IGF1R: variants seen among roughly 807,000 people sequenced by gnomAD.
IGF1R encodes the protein insulin-like growth factor 1 receptor.
Under a neutral mutation model 144.6 loss-of-function variants are expected in IGF1R, and 44 were observed. The observed-to-expected ratio is 0.30, with a 90% CI of 0.24 to 0.39. IGF1R has a LOEUF of 0.39. Among genes scored for constraint, IGF1R ranks in the 10% least tolerant of loss-of-function variants. The pLI, the probability that IGF1R is intolerant of heterozygous loss-of-function variation, is 1.00. For missense variants in IGF1R, 1,355 were observed against 1,833.7 expected, an observed-to-expected ratio of 0.74 and a Z score of 4.77; for synonymous variants, 795 against 722.8, an observed-to-expected ratio of 1.10 and a Z score of -1.60.
intron 2 of IGF1R, among the ~76,000 whole-genome samples, chr15:98,855,049 C>T (rs773051395): frequency 6.6e-6 from 1 of 152,196 alleles, no homozygotes; most frequent in Non-Finnish European, 1.5e-5. Context: ...ACAGCCCCTG[C>T]GCATCCCACT....
chr15:98,736,281 G>GCATT, intron 2 of IGF1R, among the ~76,000 whole-genome samples: 1 of 152,210 alleles, frequency 6.6e-6, no homozygotes, highest in Admixed American at 6.5e-5. Context: ...ATCTCAGCAA[G>GCATT]AAAGGTTAAT....
intron 2 of IGF1R, among the ~76,000 whole-genome samples, chr15:98,770,107 C>G (rs987937593): frequency 1.3e-5 from 2 of 152,138 alleles, no homozygotes; most frequent in African/African-American, 2.4e-5. Context: ...TGCTCTCTGA[C>G]GGGGATCTAA....
At chr15:98,893,252 C>T (rs1596405099) in intron 3 of IGF1R, among the ~76,000 whole-genome samples, 1 of 152,216 alleles carries the variant, frequency 6.6e-6, no homozygotes, top group Non-Finnish European at 1.5e-5. Context: ...GCAGCTTCTA[C>T]TGTAGGCTTA....
chr15:98,680,260 C>T (rs1258609330), intron 1 of IGF1R, among the ~76,000 whole-genome samples: 2 of 145,780 alleles, frequency 1.4e-5, no homozygotes, highest in Non-Finnish European at 3.0e-5. Flanking sequence ...CTCCCATATA[C>T]GTATGTATAC....
intron 20 of IGF1R, among the ~76,000 whole-genome samples, chr15:98,954,612 T>G (rs1479293357): frequency 3.3e-5 from 5 of 152,204 alleles, no homozygotes; most frequent in African/African-American, 4.8e-5. Flanking sequence ...TGTGCTGATG[T>G]CACTGCCTCG....
rs2053901537 is a variant in IGF1R, at chr15:98,707,797, A to G, written c.330A>G (p.Lys110=). The change falls in exon 2 of 21, where the codon AAA becomes AAG. Residue 110 remains lysine (K), a synonymous_variant. Coordinates refer to ENST00000650285, the MANE Select transcript of IGF1R (RefSeq NM_000875.5). This position sits in a 1 kb window ranked among gnomAD's most constrained non-coding sequence, Gnocchi z 6.7. Reference sequence around the variant, plus strand: ...ACCTCACGGTCATCCGCGGCTGGAAACTCTTCTACAACTACGCCCTGGTCA... The same window carrying G: ...ACCTCACGGTCATCCGCGGCTGGAAGCTCTTCTACAACTACGCCCTGGTCA... ...FPNLTVIRGW[K]LFYNYALVIF... is the part of the protein sequence containing the mutation. The G allele has an allele frequency of 6.2e-7, 1 of 1,614,076 alleles. No homozygotes were observed. The highest frequency in any genetic ancestry group is 1.7e-5 in the Admixed American group (1 of 60,010).
intron 2 of IGF1R, among the ~76,000 whole-genome samples, chr15:98,793,759 C>T (rs554443424): frequency 6.6e-6 from 1 of 152,278 alleles, no homozygotes; most frequent in Non-Finnish European, 1.5e-5. Context: ...AATTTATACC[C>T]AGAGGTCTGC....
intron 13 of IGF1R, among the ~76,000 whole-genome samples, chr15:98,926,627 G>A (rs936844803): frequency 6.6e-6 from 1 of 152,050 alleles, no homozygotes; most frequent in African/African-American, 2.4e-5. Flanking sequence ...TAGTCACCTG[G>A]TCAGCACCAG....
At chr15:98,861,781 A>G (rs898182113) in intron 2 of IGF1R, among the ~76,000 whole-genome samples, 4 of 152,236 alleles carry the variant, frequency 2.6e-5, no homozygotes, top group Non-Finnish European at 2.9e-5. Context: ...GACCAAATCC[A>G]TGGTACGCTC....
intron 2 of IGF1R, among the ~76,000 whole-genome samples, chr15:98,771,545 G>C (rs1161361228): frequency 6.6e-6 from 1 of 152,166 alleles, no homozygotes; most frequent in South Asian, 2.1e-4. Flanking sequence ...GTGAGACCCA[G>C]TAAACGGTGA....
chr15:98,749,983 A>G (rs545307401), intron 2 of IGF1R, among the ~76,000 whole-genome samples: 1 of 150,606 alleles, frequency 6.6e-6, no homozygotes, highest in Non-Finnish European at 1.5e-5. Context: ...CTCGACTTCT[A>G]TCCCAGAAGG....
chr15:98,923,054 G>A (rs1024189238), intron 11 of IGF1R, among the ~76,000 whole-genome samples: 1 of 152,210 alleles, frequency 6.6e-6, no homozygotes, highest in Non-Finnish European at 1.5e-5. Flanking sequence ...CCTGGGTGCA[G>A]TTCTGGCACT....
chr15:98,651,323 T>A (rs1179883701), intron 1 of IGF1R, among the ~76,000 whole-genome samples: 1 of 152,228 alleles, frequency 6.6e-6, no homozygotes, highest in African/African-American at 2.4e-5. Flanking sequence ...GGACGCGGAC[T>A]GGGGCCGGAC....
chr15:98,758,624 A>G (rs1198614254), intron 2 of IGF1R, among the ~76,000 whole-genome samples: 1 of 152,206 alleles, frequency 6.6e-6, no homozygotes, highest in African/African-American at 2.4e-5. Flanking sequence ...CAGGATGAGC[A>G]GGGTGCAGGG....
At chr15:98,877,921 T>C (rs188573424) in intron 2 of IGF1R, among the ~76,000 whole-genome samples, 49 of 152,350 alleles carry the variant, frequency 3.2e-4, no homozygotes, top group Middle Eastern at 6.8e-3. Flanking sequence ...GTTTAAGTTA[T>C]GTTGACATAA....
chr15:98,951,021 G>A (rs1321653236), intron 20 of IGF1R, among the ~76,000 whole-genome samples: 3 of 152,380 alleles, frequency 2.0e-5, no homozygotes, highest in South Asian at 2.1e-4. Context: ...CTGGGAGTAC[G>A]TTGGCTGGGC....
chr15:98,928,456 C>T (rs928450508), intron 13 of IGF1R, among the ~76,000 whole-genome samples: 2 of 152,354 alleles, frequency 1.3e-5, no homozygotes, highest in Non-Finnish European at 1.5e-5. Flanking sequence ...GATCAGTTCA[C>T]TGCTGGGCCT....
chr15:98,867,090 T>TG (rs1297198976), intron 2 of IGF1R, among the ~76,000 whole-genome samples: 2 of 152,042 alleles, frequency 1.3e-5, no homozygotes, highest in Non-Finnish European at 2.9e-5. Context: ...GAGGTTTATT[T>TG]TTTTTTAATC....
intron 2 of IGF1R, among the ~76,000 whole-genome samples, chr15:98,853,581 G>C (rs1021946326): frequency 2.0e-5 from 3 of 152,218 alleles, no homozygotes; most frequent in Non-Finnish European, 2.9e-5. Context: ...AAGATGGTTT[G>C]GAATATTTTG....
Sources: allele counts gnomAD v4.1 joint callset (sites outside exome capture counted in the v4.1 genomes callset), GRCh38; gene constraint gnomAD v4.1.1; non-coding constraint Gnocchi (gnomAD v3.1); transcripts MANE v1.5; gene names NCBI Gene and HGNC (gene_info 2026-07-23, HGNC 2026-07-21).